The following ENPP2 variants were observed in gnomAD, a reference collection of about 807,000 sequenced individuals.
ENPP2 encodes autotaxin.
In ENPP2, 51 loss-of-function variants were observed where a neutral mutation model predicts 120.2. The observed-to-expected ratio is 0.42, with a 90% CI of 0.34 to 0.54. The LOEUF (loss-of-function observed/expected upper bound fraction) is 0.54, where lower values mean the gene tolerates loss of function less well. ENPP2 is among the 20% of genes least tolerant of loss of function. ENPP2 has a pLI of 0.04. For missense variants in ENPP2, 920 were observed against 1,066.5 expected (o/e 0.86, Z 1.91); for synonymous variants, 365 against 366.4 (o/e 1.00, Z 0.04).
At chr8:119,603,520 G>A (rs933260503) in intron 9 of ENPP2, among the ~76,000 whole-genome samples, 1 of 152,150 alleles carries the variant, frequency 6.6e-6, no homozygotes, top group Admixed American at 6.5e-5. Context: ...AAATGCTGGT[G>A]ATAAGACTTG....
At position 119,638,656 on chromosome 8, in the gene ENPP2, C is replaced by T. The variant is rs542384687; in HGVS notation, c.33+92G>A. 12 of 1,015,974 alleles carry T rather than the reference C, an allele frequency of 1.2e-5. No individual in the cohort carries two copies. In the Admixed American group the frequency reaches 1.5e-4, roughly 13 times the overall value. The allele number at this position is 1,015,974 out of a possible 1,614,324, so 62.9% of individuals were successfully genotyped here. Reference sequence around the variant, plus strand: ...CACTTCCAAAATGCATAATAAGGTGCTATCTTAATTTGCACAACAAAAAGG... The same window carrying T: ...CACTTCCAAAATGCATAATAAGGTGTTATCTTAATTTGCACAACAAAAAGG... On this transcript the variant is annotated intron_variant, in intron 1 of 24. Transcript: ENST00000075322.
chr8:119,658,764 G>A (rs1413802058), intron 1 of ENPP2, among the ~76,000 whole-genome samples: 1 of 152,072 alleles, frequency 6.6e-6, no homozygotes, highest in East Asian at 1.9e-4. Context: ...TAGACACCAA[G>A]TCTATGTCCC....
intron 7 of ENPP2, 150 bp from the exon 8 acceptor site, chr8:119,616,534 T>C (rs1403350459): frequency 2.1e-6 from 1 of 465,810 alleles, no homozygotes. Flanking sequence ...ACTGTGTATC[T>C]GTTTGAGCAA....
chr8:119,648,008 A>G (rs1817522438), intron 1 of ENPP2, among the ~76,000 whole-genome samples: 1 of 152,162 alleles, frequency 6.6e-6, no homozygotes, highest in Non-Finnish European at 1.5e-5. Context: ...TCCATCCCCA[A>G]AAAAAGAAAA....
At chr8:119,647,272 G>A (rs1160512280) in intron 1 of ENPP2, among the ~76,000 whole-genome samples, 2 of 152,152 alleles carry the variant, frequency 1.3e-5, no homozygotes, top group Non-Finnish European at 2.9e-5. Flanking sequence ...TAAGATTACA[G>A]GGGTGAGCCA....
At chr8:119,658,561 G>A in intron 1 of ENPP2, among the ~76,000 whole-genome samples, 1 of 152,146 alleles carries the variant, frequency 6.6e-6, no homozygotes, top group East Asian at 1.9e-4. Flanking sequence ...GGCTAATTTT[G>A]GAAAATATAA....
Position 119,661,483 on chromosome 8 carries a change from A to T in ENPP2, c.21+11769T>A, listed in dbSNP as rs548192340. Among the ~76,000 whole-genome samples, 92 of 152,220 alleles carry T rather than the reference A, an allele frequency of 6.0e-4. 1 individual carries two copies. The highest frequency in any genetic ancestry group is 4.7e-4 in the Non-Finnish European group (32 of 68,048). On this transcript the variant is annotated intron_variant, in intron 1 of 25. Transcript: ENST00000427067. ...GAAATATCACCTCGGACCTGTTAGA[A>T]TATCTGCTATCAAAAACAACAACAA... is the stretch of plus-strand genomic sequence containing the variant.
upstream of ENPP2, among the ~76,000 whole-genome samples, chr8:119,640,329 T>C (rs1023339652): frequency 2.0e-5 from 3 of 152,220 alleles, no homozygotes; most frequent in Admixed American, 1.3e-4. Context: ...ATAAAAGATG[T>C]TAACTCCATG....
intron 11 of ENPP2, among the ~76,000 whole-genome samples, chr8:119,597,666 C>A (rs7824058): frequency 0.015 from 2,288 of 152,064 alleles, 38 homozygotes; most frequent in African/African-American, 0.043. Flanking sequence ...GGAAGAGCAG[C>A]CGAACAAGGG....
intron 1 of ENPP2, among the ~76,000 whole-genome samples, chr8:119,657,564 A>G (rs992119385): frequency 3.3e-5 from 5 of 152,078 alleles, no homozygotes; most frequent in Non-Finnish European, 7.3e-5. Flanking sequence ...GCAGCATGTA[A>G]TTAGCGATGC....
chr8:119,580,010 C>T (rs181265443), intron 19 of ENPP2, 106 bp downstream of exon 19: 16 of 809,862 alleles, frequency 2.0e-5, no homozygotes, highest in Admixed American at 4.1e-5. Context: ...AATACAAATT[C>T]TAATTTTAAA....
intron 1 of ENPP2, among the ~76,000 whole-genome samples, chr8:119,654,008 ATATAT>A (rs1479093333): frequency 2.7e-5 from 4 of 146,486 alleles, no homozygotes; most frequent in Non-Finnish European, 4.5e-5. Context: ...TATATATTAA[ATATAT>A]TATATATGTA....
At chr8:119,634,447 A>G (rs1816878083) in intron 2 of ENPP2, among the ~76,000 whole-genome samples, 1 of 152,230 alleles carries the variant, frequency 6.6e-6, no homozygotes, top group Non-Finnish European at 1.5e-5. Flanking sequence ...TCAATAAGGT[A>G]TAAGTTTAAA....
At chr8:119,646,066 T>C (rs1215947724) in intron 1 of ENPP2, among the ~76,000 whole-genome samples, 3 of 151,388 alleles carry the variant, frequency 2.0e-5, no homozygotes, top group African/African-American at 7.3e-5. Context: ...CCTCCTGGGT[T>C]CAAGCGATTC....
rs116697054 is a variant in ENPP2, at chr8:119,636,101, A to G, written c.136+2324T>C. Among the ~76,000 whole-genome samples the G allele has an allele frequency of 7.0e-3, 1,063 of 152,284 alleles. 10 individuals carry two copies. The highest frequency in any genetic ancestry group is 0.025 in the African/African-American group (1,027 of 41,552). The stretch of plus-strand genomic sequence containing the variant: ...CCCAGGATTTCTTTGGCGCCTAAAA[A>G]TGTTGTTGGAAATAGGCATGGCTGC... On this transcript the variant is annotated intron_variant, in intron 2 of 24. Transcript: ENST00000075322.
chr8:119,617,325 A>T (rs1229653849), intron 6 of ENPP2, 82 bp from the exon 7 acceptor site: 1 of 1,204,180 alleles, frequency 8.3e-7, no homozygotes, highest in Admixed American at 1.7e-5. Context: ...ACACTCAGAC[A>T]TGTGTTACCT....
chr8:119,571,749 T>A (rs932329537), intron 19 of ENPP2: 1 of 153,056 alleles, frequency 6.5e-6, no homozygotes, highest in African/African-American at 2.4e-5. Context: ...AGTGATAAAT[T>A]TAAAAAAAAA....
At chr8:119,573,767 C>T (rs149042551) in intron 19 of ENPP2, among the ~76,000 whole-genome samples, 3,301 of 152,166 alleles carry the variant, frequency 0.022, 117 homozygotes, top group African/African-American at 0.075. Context: ...CAAGATCGTG[C>T]GACTGCACTC....
At chr8:119,641,326 AAAC>A (rs1174881616), upstream of ENPP2, among the ~76,000 whole-genome samples, 1 of 152,078 alleles carries the variant, frequency 6.6e-6, no homozygotes, top group African/African-American at 2.4e-5. Flanking sequence ...TGAAAAAAAA[AAAC>A]AAAAAAAAGC....
Sources: allele counts gnomAD v4.1 joint callset (sites outside exome capture counted in the v4.1 genomes callset), GRCh38; gene constraint gnomAD v4.1.1; transcripts MANE v1.5; gene names NCBI Gene and HGNC (gene_info 2026-07-23, HGNC 2026-07-21).